TMCC2: variants seen among roughly 807,000 people sequenced by gnomAD.
TMCC2 encodes transmembrane and coiled-coil domain family 2.
TMCC2 carries 16 observed loss-of-function variants against 49.4 expected under a neutral mutation model. The observed-to-expected ratio is 0.32, with a 90% CI of 0.22 to 0.49. TMCC2 has a LOEUF of 0.49. Ranked by LOEUF, TMCC2 falls within the 20% of genes least tolerant of loss-of-function variation. The pLI is 0.99. For missense variants in TMCC2, 762 were observed against 989.8 expected (o/e 0.77, Z 3.09); for synonymous variants, 397 against 434.1 (o/e 0.91, Z 1.06).
chr1:205,229,626 C>A (rs1659713191), intron 1 of TMCC2: 1 of 978,332 alleles, frequency 1.0e-6, no homozygotes. Context: ...TAAGATAGTG[C>A]TTGGAGATCT....
chr1:205,268,415 A>T (rs1239908603), intron 2 of TMCC2, among the ~76,000 whole-genome samples: 2 of 152,276 alleles, frequency 1.3e-5, no homozygotes, highest in East Asian at 3.9e-4. Context: ...GGAGTTCGAG[A>T]CCAGCCTGGC....
At chr1:205,238,461 A>G (rs1431032044) in intron 1 of TMCC2, among the ~76,000 whole-genome samples, 2 of 152,022 alleles carry the variant, frequency 1.3e-5, no homozygotes, top group African/African-American at 4.8e-5. Flanking sequence ...CTCAGACTTT[A>G]ATAGATTCCT....
chr1:205,268,161 AGT>A, intron 2 of TMCC2: 1 of 788,436 alleles, frequency 1.3e-6, no homozygotes, highest in African/African-American at 1.9e-5. Context: ...CAGGGCACAA[AGT>A]GTAGGCGGTC....
In TMCC2 at chr1:205,269,024, C is replaced by T. The variant is rs147095521; in HGVS notation, c.822C>T (p.Asp274=). The T allele has an allele frequency of 3.7e-5, 60 of 1,613,390 alleles. No homozygotes were observed. Among genetic ancestry groups the T allele is most frequent in the Non-Finnish European group, 4.6e-5 (54 of 1,180,032 alleles). Residue 274 remains aspartate, a synonymous_variant, in exon 3 of 5, where the codon GAC becomes GAT. Transcript: ENST00000358024. ...ACACCGACGGCCCCATCAGCCTGGA[C>T]GTGCCCGATGGGGCACCGGACCCCC... ...HGDTDGPISL[D]VPDGAPDPQR... is the part of the protein sequence containing the mutation.
Position 205,235,513 on chromosome 1 carries a change from G to T in TMCC2, c.208-5992G>T, listed in dbSNP as rs185961619. On this transcript the variant is annotated intron_variant, in intron 1 of 4. Coordinates refer to ENST00000358024, the MANE Select transcript of TMCC2 (RefSeq NM_014858.4). ...AGTTTTCAAAGTGTGGGGTTATCAG[G>T]AGCTGGGGAAAAGGGCTCAGGCAGC... Among the ~76,000 whole-genome samples the T allele has an allele frequency of 1.8e-4, 28 of 152,284 alleles. No homozygotes were observed. The East Asian group carries it at 5.4e-3, about 29-fold the overall frequency.
chr1:205,249,993 C>T (rs1265331034), intron 2 of TMCC2, among the ~76,000 whole-genome samples: 6 of 152,216 alleles, frequency 3.9e-5, no homozygotes, highest in South Asian at 2.1e-4. Flanking sequence ...CCTGGAGATC[C>T]GAGAAGTTTC....
chr1:205,259,079 C>A (rs1660997182), intron 2 of TMCC2, among the ~76,000 whole-genome samples: 1 of 152,220 alleles, frequency 6.6e-6, no homozygotes, highest in East Asian at 1.9e-4. Context: ...CCTGGGCCTG[C>A]TTGTCTAGAC....
chr1:205,271,088 A>G (rs1158825459), intron 3 of TMCC2, 32 bp from the exon 4 acceptor site: 3 of 1,609,366 alleles, frequency 1.9e-6, no homozygotes. Flanking sequence ...TCGGGGAGCC[A>G]GGACTGGTGT....
chr1:205,230,166 G>A (rs1463979366), intron 1 of TMCC2: 1 of 985,394 alleles, frequency 1.0e-6, no homozygotes, highest in Non-Finnish European at 1.2e-6. Flanking sequence ...AAGTCAGAGC[G>A]CAGGTGAGTG....
chr1:205,246,439 C>T, intron 2 of TMCC2: 1 of 1,329,278 alleles, frequency 7.5e-7, no homozygotes, highest in Non-Finnish European at 9.7e-7. Flanking sequence ...GAGATCCAAG[C>T]TAGAGGCATA....
intron 2 of TMCC2, among the ~76,000 whole-genome samples, chr1:205,259,854 G>A (rs1345973923): frequency 2.0e-5 from 3 of 152,242 alleles, no homozygotes; most frequent in Non-Finnish European, 1.5e-5. Context: ...GCCATGTGGA[G>A]GGGAGCCCCC....
At chr1:205,246,635 C>T (rs1418002118) in intron 2 of TMCC2, 4 of 1,550,350 alleles carry the variant, frequency 2.6e-6, no homozygotes, top group East Asian at 4.9e-5. Flanking sequence ...CCAGGTTGTT[C>T]AGCCCTTAAT....
At chr1:205,271,747 T>C in intron 4 of TMCC2, 66 bp from the exon 5 acceptor site, 1 of 1,554,000 alleles carries the variant, frequency 6.4e-7, no homozygotes, top group Non-Finnish European at 8.7e-7. Context: ...GTGGGGTAGG[T>C]AGGTTTTCAG....
intron 2 of TMCC2, among the ~76,000 whole-genome samples, chr1:205,257,798 A>G (rs1660938688): frequency 6.6e-6 from 1 of 152,202 alleles, no homozygotes; most frequent in Admixed American, 6.5e-5. Flanking sequence ...CATAAGGAGT[A>G]AAATGTTTGG....
intron 2 of TMCC2, among the ~76,000 whole-genome samples, chr1:205,266,610 TAA>T (rs61698539): frequency 1.9e-4 from 25 of 131,604 alleles, no homozygotes; most frequent in African/African-American, 6.7e-4. Context: ...AAAAAACAAA[TAA>T]AAAAAAAAAA....
intron 3 of TMCC2, 30 bp from the exon 4 acceptor site, chr1:205,271,090 G>A: frequency 6.2e-7 from 1 of 1,610,384 alleles, no homozygotes; most frequent in Non-Finnish European, 8.5e-7. Context: ...GGGGAGCCAG[G>A]ACTGGTGTCA....
chr1:205,229,027 T>A, intron 1 of TMCC2: 1 of 1,338,482 alleles, frequency 7.5e-7, no homozygotes, highest in Non-Finnish European at 9.6e-7. Context: ...TCCGAGATTG[T>A]TTGAATAATG....
At chr1:205,247,082 A>C (rs1660483554) in intron 2 of TMCC2, among the ~76,000 whole-genome samples, 1 of 152,158 alleles carries the variant, frequency 6.6e-6, no homozygotes, top group Non-Finnish European at 1.5e-5. Context: ...CCCTGGGTTC[A>C]GGGTGATCAT....
chr1:205,241,839 G>C lies in TMCC2; in HGVS notation c.542G>C (p.Arg181Pro). ...SGGGSSGSSS[R>P]RTKSSSLEPQ... The stretch of plus-strand genomic sequence containing the variant: ...GGCGGCAGCAGCGGGAGCAGCAGCC[G>C]GCGCACCAAGAGTAGCTCCCTGGAG... Residue 181 changes from arginine to proline, a missense_variant, in exon 2 of 5, where the codon CGG becomes CCG. Arg to Pro is a moderately radical substitution (Grantham distance 103, BLOSUM62 -2). Coordinates refer to ENST00000358024, the MANE Select transcript of TMCC2 (RefSeq NM_014858.4). This position sits in a 1 kb window ranked among gnomAD's most constrained non-coding sequence, Gnocchi z 7.3. The C allele has an allele frequency of 6.3e-7, 1 of 1,599,276 alleles. No homozygotes were observed. Among genetic ancestry groups the C allele is most frequent in the South Asian group, 1.1e-5 (1 of 89,668 alleles).
Sources: allele counts gnomAD v4.1 joint callset (sites outside exome capture counted in the v4.1 genomes callset), GRCh38; gene constraint gnomAD v4.1.1; non-coding constraint Gnocchi (gnomAD v3.1); transcripts MANE v1.5; gene names NCBI Gene and HGNC (gene_info 2026-07-23, HGNC 2026-07-21).